Variants in SYT1 observed in about 807,000 individuals in gnomAD.
SYT1 encodes the protein synaptotagmin-1.
In SYT1, 8 loss-of-function variants were observed where a neutral mutation model predicts 44.8. That is an observed-to-expected ratio of 0.18 (90% CI 0.10 to 0.32). The LOEUF (loss-of-function observed/expected upper bound fraction) is 0.32, where lower values mean the gene tolerates loss of function less well. Among genes scored for constraint, SYT1 ranks in the 10% least tolerant of loss-of-function variants. SYT1 has a pLI of 1.00. For missense variants in SYT1, 286 were observed against 509.3 expected (o/e 0.56, Z 4.22); for synonymous variants, 154 against 188.8 (o/e 0.82, Z 1.51).
intron 3 of SYT1, among the ~76,000 whole-genome samples, chr12:79,133,510 A>G (rs1438587190): frequency 6.6e-6 from 1 of 152,204 alleles, no homozygotes; most frequent in Non-Finnish European, 1.5e-5. Flanking sequence ...AATATCACCT[A>G]TACCCTGTAG....
At chr12:79,246,914 A>G (rs1300422837) in intron 4 of SYT1, among the ~76,000 whole-genome samples, 1 of 152,206 alleles carries the variant, frequency 6.6e-6, no homozygotes, top group African/African-American at 2.4e-5. Flanking sequence ...TGTCCAGCCC[A>G]GTGGCTGGAA....
intron 1 of SYT1, among the ~76,000 whole-genome samples, chr12:78,904,390 G>C (rs939054313): frequency 6.6e-5 from 10 of 152,038 alleles, no homozygotes; most frequent in African/African-American, 2.4e-4. Flanking sequence ...GAATTTTTTA[G>C]TAAGTATTCA....
intron 3 of SYT1, among the ~76,000 whole-genome samples, chr12:79,201,575 G>A (rs1385206194): frequency 6.6e-6 from 1 of 151,946 alleles, no homozygotes; most frequent in Admixed American, 6.6e-5. Context: ...ATTCACAAGG[G>A]GCTAATATAT....
intron 9 of SYT1, among the ~76,000 whole-genome samples, chr12:79,397,365 G>A (rs1884907912): frequency 6.6e-6 from 1 of 152,084 alleles, no homozygotes; most frequent in South Asian, 2.1e-4. Flanking sequence ...GAATAGCTGG[G>A]ATTACAGGCC....
chr12:79,162,068 G>A (rs1032334741), intron 3 of SYT1, among the ~76,000 whole-genome samples: 2 of 152,012 alleles, frequency 1.3e-5, no homozygotes, highest in Admixed American at 6.6e-5. Context: ...ACTGAAACAT[G>A]GAAACAAGTA....
chr12:79,440,103 A>G (rs1020871144), intron 9 of SYT1, among the ~76,000 whole-genome samples: 2 of 152,068 alleles, frequency 1.3e-5, no homozygotes, highest in African/African-American at 4.8e-5. Context: ...CTGTAATCCC[A>G]GCTACTTGGG....
intron 3 of SYT1, among the ~76,000 whole-genome samples, chr12:79,105,812 G>A (rs985753247): frequency 4.6e-5 from 7 of 152,032 alleles, no homozygotes; most frequent in South Asian, 4.2e-4. Flanking sequence ...CCCGGGAGGC[G>A]GAGCTTGCAG....
chr12:79,356,395 C>T (rs1253467851), intron 9 of SYT1, among the ~76,000 whole-genome samples: 2 of 152,050 alleles, frequency 1.3e-5, no homozygotes, highest in Non-Finnish European at 2.9e-5. Context: ...CCACAATGCT[C>T]TCAGTGATGG....
At chr12:79,429,975 T>C (rs1206203869) in intron 9 of SYT1, among the ~76,000 whole-genome samples, 1 of 152,160 alleles carries the variant, frequency 6.6e-6, no homozygotes, top group East Asian at 1.9e-4. Context: ...GAATTTCCAT[T>C]ATGCACAGGA....
chr12:79,136,007 A>G (rs964197610), intron 3 of SYT1, among the ~76,000 whole-genome samples: 4 of 152,242 alleles, frequency 2.6e-5, no homozygotes, highest in Non-Finnish European at 5.9e-5. Flanking sequence ...GCAGCTTGAG[A>G]CAACATTGCC....
intron 8 of SYT1, among the ~76,000 whole-genome samples, chr12:79,322,263 A>G (rs1263499970): frequency 6.6e-6 from 1 of 152,156 alleles, no homozygotes; most frequent in Non-Finnish European, 1.5e-5. Context: ...TAACTTATTC[A>G]AACGTATTCT....
intron 8 of SYT1, among the ~76,000 whole-genome samples, chr12:79,346,302 C>T (rs1882603455): frequency 6.6e-6 from 1 of 152,116 alleles, no homozygotes. Flanking sequence ...TAATTTGTGT[C>T]TATTCAATGG....
At chr12:79,121,758 C>T (rs1007015344) in intron 3 of SYT1, among the ~76,000 whole-genome samples, 4 of 152,096 alleles carry the variant, frequency 2.6e-5, no homozygotes, top group African/African-American at 9.7e-5. Flanking sequence ...AATTCTGGAG[C>T]CCAAGTATTG....
chr12:78,976,981 T>C (rs896328442), intron 1 of SYT1, among the ~76,000 whole-genome samples: 16 of 152,138 alleles, frequency 1.1e-4, no homozygotes, highest in African/African-American at 3.9e-4. Flanking sequence ...AAATATAAGA[T>C]AGTAGAAATA....
chr12:79,427,436 T>A lies in SYT1; in HGVS notation c.929-16637T>A, dbSNP rs573635268. 4.1e-4 allele frequency among the ~76,000 whole-genome samples: 63 copies of A among 152,282 alleles called. 1 individual carries two copies. The highest frequency in any genetic ancestry group is 1.5e-3 in the African/African-American group (62 of 41,558). ...AACCATGTATTCATTAAAGAAGTGA[T>A]CATTGAGGACCCACTGTGTGCCATC... On this transcript the variant is annotated intron_variant, in intron 9 of 10. Transcript: ENST00000261205.
At chr12:79,045,185 C>G (rs900886731) in intron 2 of SYT1, among the ~76,000 whole-genome samples, 5 of 152,244 alleles carry the variant, frequency 3.3e-5, no homozygotes, top group South Asian at 2.1e-4. Context: ...TTTACCTAAG[C>G]AAGCCCGGGC....
chr12:79,395,585 C>T (rs1215640482), intron 9 of SYT1, among the ~76,000 whole-genome samples: 2 of 152,046 alleles, frequency 1.3e-5, no homozygotes. Flanking sequence ...CGTCATCTCA[C>T]TATGTTGCTC....
At chr12:79,296,960 T>C (rs1879905212) in intron 7 of SYT1, among the ~76,000 whole-genome samples, 1 of 152,188 alleles carries the variant, frequency 6.6e-6, no homozygotes, top group Admixed American at 6.5e-5. Flanking sequence ...AAAAAACTTT[T>C]TAATGCATTA....
At chr12:79,198,579 T>C (rs1433116057) in intron 3 of SYT1, among the ~76,000 whole-genome samples, 1 of 152,054 alleles carries the variant, frequency 6.6e-6, no homozygotes, top group Non-Finnish European at 1.5e-5. Context: ...TAAAATTATT[T>C]TGAAGCAGCA....
Sources: allele counts gnomAD v4.1 joint callset (sites outside exome capture counted in the v4.1 genomes callset), GRCh38; gene constraint gnomAD v4.1.1; transcripts MANE v1.5; gene names NCBI Gene and HGNC (gene_info 2026-07-23, HGNC 2026-07-21).